Variants in NUGGC observed in about 807,000 individuals in gnomAD.
The protein encoded by NUGGC is nuclear GTPase, germinal center associated, also known as nuclear GTPase SLIP-GC.
NUGGC carries 58 observed loss-of-function variants against 92.6 expected under a neutral mutation model. That is an observed-to-expected ratio of 0.63 (90% CI 0.51 to 0.78). NUGGC has a LOEUF of 0.78. Ranked by LOEUF, NUGGC falls within the 30% of genes least tolerant of loss-of-function variation. The pLI is 0.00. For synonymous variants in NUGGC, 376 were observed against 366.4 expected (o/e 1.03, Z -0.30); for missense variants, 925 against 964.6 (o/e 0.96, Z 0.54).
Position 28,064,751 on chromosome 8 carries a change from TCA to T in NUGGC, c.712-22_712-21del. ...TTCTGCCTGAAGAAGGAGGACAGAG[TCA>T]CACACACCAGCCATGCACCCAGCTC... On this transcript the variant is annotated intron_variant, in intron 6 of 18. Coordinates refer to ENST00000413272, the MANE Select transcript of NUGGC (RefSeq NM_001010906.2). The T allele has an allele frequency of 1.9e-6, 3 of 1,605,776 alleles. No homozygotes were observed. Among genetic ancestry groups the T allele is most frequent in the Non-Finnish European group, 2.6e-6 (3 of 1,172,932 alleles).
At chr8:28,065,881 T>C (rs550745587) in intron 6 of NUGGC, among the ~76,000 whole-genome samples, 2 of 152,270 alleles carry the variant, frequency 1.3e-5, no homozygotes, top group East Asian at 3.9e-4. Context: ...CATTGTAATT[T>C]TAAAATAGAG....
At chr8:28,057,094 G>A (rs943135968) in intron 9 of NUGGC, among the ~76,000 whole-genome samples, 2 of 152,034 alleles carry the variant, frequency 1.3e-5, no homozygotes, top group African/African-American at 4.8e-5. Context: ...TAACACCATC[G>A]GACCCATGTG....
Position 28,071,825 on chromosome 8 carries a change from C to G in NUGGC, c.44-1469G>C, listed in dbSNP as rs61561811. ...GGCTGGCCTGCACCTTAGAAAATGG[C>G]CATGAGGTGAACCAAAAGAGTAGAT... is the stretch of plus-strand genomic sequence containing the variant. On this transcript the variant is annotated intron_variant, in intron 2 of 18. Transcript: ENST00000413272. Among the ~76,000 whole-genome samples, 1,114 of 152,190 alleles carry G rather than the reference C, an allele frequency of 7.3e-3. 30 individuals are homozygous for G. The highest frequency in any genetic ancestry group is 0.072 in the East Asian group (372 of 5,164).
intron 18 of NUGGC, among the ~76,000 whole-genome samples, chr8:28,024,726 G>A (rs1479574126): frequency 1.3e-5 from 2 of 152,096 alleles, no homozygotes; most frequent in African/African-American, 4.8e-5. Flanking sequence ...TTAGGACCCG[G>A]AGTCTTTTTG....
At chr8:28,048,984 C>A (rs1809918640) in intron 10 of NUGGC, among the ~76,000 whole-genome samples, 1 of 151,082 alleles carries the variant, frequency 6.6e-6, no homozygotes, top group African/African-American at 2.4e-5. Flanking sequence ...ATTACATATT[C>A]TTTCATTCTT....
intron 10 of NUGGC, among the ~76,000 whole-genome samples, chr8:28,052,121 A>C (rs1392650851): frequency 6.6e-6 from 1 of 152,136 alleles, no homozygotes; most frequent in African/African-American, 2.4e-5. Context: ...TTGAATCTCA[A>C]ACTAGTAACT....
Position 28,068,334 on chromosome 8 carries a change from A to T in NUGGC, c.362T>A (p.Ile121Asn), listed in dbSNP as rs1338077163. The change falls in exon 5 of 19, where the codon ATC (isoleucine) becomes AAC (asparagine). Residue 121 changes from isoleucine to asparagine, a missense_variant. Ile to Asn is a moderately radical substitution (Grantham distance 149). Coordinates refer to ENST00000413272, the MANE Select transcript of NUGGC (RefSeq NM_001010906.2). ...AGKSSLINAI[I>N]QQAMFLPVSG... is the part of the protein sequence containing the mutation. The stretch of plus-strand genomic sequence containing the variant: ...CACTGGTAGAAACATTGCTTGCTGG[A>T]TGATGGCATTGATCAGGGAGCTCTT... 1.3e-6 allele frequency: 2 copies of T among 1,567,462 alleles called. No homozygotes were observed. The highest frequency in any genetic ancestry group is 8.7e-7 in the Non-Finnish European group (1 of 1,155,272).
intron 12 of NUGGC, among the ~76,000 whole-genome samples, chr8:28,042,056 T>C (rs1226937100): frequency 6.6e-6 from 1 of 152,202 alleles, no homozygotes; most frequent in East Asian, 1.9e-4. Flanking sequence ...CTGATGGTTT[T>C]ATAAGGAGAA....
chr8:28,036,020 C>G (rs1809545669), intron 13 of NUGGC, among the ~76,000 whole-genome samples: 1 of 152,026 alleles, frequency 6.6e-6, no homozygotes, highest in Non-Finnish European at 1.5e-5. Context: ...GAAGCTGGGA[C>G]TACAGGGGTA....
chr8:28,050,928 G>A (rs971294344), intron 10 of NUGGC, among the ~76,000 whole-genome samples: 10 of 152,086 alleles, frequency 6.6e-5, no homozygotes, highest in African/African-American at 2.4e-4. Context: ...TTATGTTGCA[G>A]TGATGTCACT....
chr8:28,035,376 G>A (rs999044482), intron 13 of NUGGC, among the ~76,000 whole-genome samples: 1 of 152,180 alleles, frequency 6.6e-6, no homozygotes, highest in African/African-American at 2.4e-5. Flanking sequence ...GGATGGCTGG[G>A]CTGGCCACTC....
In NUGGC at chr8:28,068,304, C is replaced by G; in HGVS notation, c.392G>C (p.Gly131Ala). ...AATGCAGGAAGTACATATGCTTTCT[C>G]CAGACACTGGTAGAAACATTGCTTG... ...IQQAMFLPVS[G>A]ESICTSCIVQ... Residue 131 changes from glycine to alanine, a missense_variant, in exon 5 of 19, where the codon GGA becomes GCA. Coordinates refer to ENST00000413272, the MANE Select transcript of NUGGC (RefSeq NM_001010906.2). 6.4e-7 allele frequency: 1 copy of G among 1,553,970 alleles called. No individual in the cohort carries two copies.
chr8:28,046,702 C>T (rs1189414867), intron 11 of NUGGC, among the ~76,000 whole-genome samples: 5 of 128,754 alleles, frequency 3.9e-5, no homozygotes, highest in Admixed American at 8.4e-5. Flanking sequence ...TTTTTTGAGA[C>T]GAAGTTCCAC....
chr8:28,029,383 G>T lies in NUGGC; in HGVS notation c.2037C>A (p.Gly679=). ...LCYEEAAQIT[G]KKACERMKDA... is the part of the protein sequence containing the mutation. ...CTTTCATCCGCTCACACGCTTTTTT[G>T]CCCGTGATCTGAGCTGCCTCTGGCA... The change falls in exon 17 of 19, where the codon GGC becomes GGA. Residue 679 remains glycine, a synonymous_variant. Coordinates refer to ENST00000413272, the MANE Select transcript of NUGGC (RefSeq NM_001010906.2). The T allele has an allele frequency of 6.2e-7, 1 of 1,612,480 alleles. No homozygotes were observed. The highest frequency in any genetic ancestry group is 8.5e-7 in the Non-Finnish European group (1 of 1,179,298).
chr8:28,059,534 T>C (rs887788204), intron 8 of NUGGC, among the ~76,000 whole-genome samples: 1 of 152,136 alleles, frequency 6.6e-6, no homozygotes, highest in Admixed American at 6.6e-5. Flanking sequence ...AGTTAAAAAG[T>C]TCAGGAGTCT....
chr8:28,067,669 C>T lies in NUGGC; in HGVS notation c.556G>A (p.Ala186Thr). 6.2e-7 allele frequency: 1 copy of T among 1,614,056 alleles called. No individual in the cohort carries two copies. Among genetic ancestry groups the T allele is most frequent in the Non-Finnish European group, 8.5e-7 (1 of 1,179,876 alleles). The change falls in exon 6 of 19, where the codon GCG (alanine) becomes ACG (threonine). Residue 186 changes from alanine (A) to threonine (T), a missense_variant. Ala to Thr is a moderately conservative substitution (Grantham distance 58). Coordinates refer to ENST00000413272, the MANE Select transcript of NUGGC (RefSeq NM_001010906.2). ...TCCACTGCCTCATCCCTGTTCCACG[C>T]ATCTGCCTCTTCTCTGCTCAGCTCC... ...TEELSREEAD[A>T]WNRDEAVEEA...
At chr8:28,056,477 C>CAA (rs1281043672) in intron 9 of NUGGC, among the ~76,000 whole-genome samples, 10 of 125,814 alleles carry the variant, frequency 7.9e-5, no homozygotes, top group Admixed American at 1.7e-4. Context: ...GACTGTATCT[C>CAA]AAAAAAAAAA....
At chr8:28,042,838 C>G (rs532591879) in intron 12 of NUGGC, among the ~76,000 whole-genome samples, 2 of 152,282 alleles carry the variant, frequency 1.3e-5, no homozygotes, top group Admixed American at 6.5e-5. Flanking sequence ...AAATAGCTCT[C>G]GAATCGATGT....
intron 7 of NUGGC, among the ~76,000 whole-genome samples, chr8:28,061,859 C>T (rs1810314482): frequency 6.6e-6 from 1 of 152,196 alleles, no homozygotes; most frequent in African/African-American, 2.4e-5. Flanking sequence ...AGCCCAACCC[C>T]AGCTCCCATC....
Sources: allele counts gnomAD v4.1 joint callset (sites outside exome capture counted in the v4.1 genomes callset), GRCh38; gene constraint gnomAD v4.1.1; transcripts MANE v1.5; gene names NCBI Gene and HGNC (gene_info 2026-07-23, HGNC 2026-07-21).